TOP6BL: variants seen among roughly 807,000 people sequenced by gnomAD.
The protein encoded by TOP6BL is type 2 DNA topoisomerase 6 subunit B-like.
chr11:66,838,412 G>A, the TOP6BL span: 37 of 1,613,760 alleles, frequency 2.3e-5, 1 homozygote, highest in African/African-American at 8.0e-5. Flanking sequence ...CACTGAGGAC[G>A]CACCTGATAA....
At chr11:66,799,396 AAAAG>A in the TOP6BL span, among the ~76,000 whole-genome samples, 1 of 151,126 alleles carries the variant, frequency 6.6e-6, no homozygotes, top group African/African-American at 2.4e-5. Context: ...AAAAAAAAAA[AAAAG>A]AATGTCTTTT....
At chr11:66,842,912 G>C in the TOP6BL span, 1 of 1,568,242 alleles carries the variant, frequency 6.4e-7, no homozygotes, top group Non-Finnish European at 8.6e-7. Flanking sequence ...GAGGAGATGC[G>C]AGCTCTGCGC....
the TOP6BL span, chr11:66,843,269 G>A: frequency 6.2e-7 from 1 of 1,602,980 alleles, no homozygotes; most frequent in African/African-American, 1.3e-5. Context: ...CACCGATCCG[G>A]AGGCTGCGGG....
At chr11:66,803,491 C>T in the TOP6BL span, among the ~76,000 whole-genome samples, 4 of 152,124 alleles carry the variant, frequency 2.6e-5, no homozygotes, top group African/African-American at 9.7e-5. Flanking sequence ...TGCAGTGGCG[C>T]AATATCAGCT....
At chr11:66,779,034 A>G in the TOP6BL span, among the ~76,000 whole-genome samples, 1 of 152,234 alleles carries the variant, frequency 6.6e-6, no homozygotes. Context: ...AAAGATTTAC[A>G]TGTTAGACCT....
At chr11:66,749,572 T>A in the TOP6BL span, among the ~76,000 whole-genome samples, 1 of 152,036 alleles carries the variant, frequency 6.6e-6, no homozygotes, top group Non-Finnish European at 1.5e-5. Flanking sequence ...GTTATAATTA[T>A]TTATTTATTT....
chr11:66,780,217 T>C, the TOP6BL span, among the ~76,000 whole-genome samples: 2 of 152,328 alleles, frequency 1.3e-5, no homozygotes, highest in South Asian at 4.1e-4. Flanking sequence ...TGCTCAATTT[T>C]GAGTATTTTT....
chr11:66,795,672 G>T, the TOP6BL span, among the ~76,000 whole-genome samples: 1 of 151,006 alleles, frequency 6.6e-6, no homozygotes, highest in Non-Finnish European at 1.5e-5. Context: ...TCCCTATTTT[G>T]CAGATTAGGA....
At chr11:66,804,745 C>A in the TOP6BL span, among the ~76,000 whole-genome samples, 1 of 152,050 alleles carries the variant, frequency 6.6e-6, no homozygotes, top group Non-Finnish European at 1.5e-5. Flanking sequence ...TGAGACCAGC[C>A]TGGCCAATAT....
At chr11:66,745,318 G>T in the TOP6BL span, among the ~76,000 whole-genome samples, 1 of 139,786 alleles carries the variant, frequency 7.2e-6, no homozygotes, top group Non-Finnish European at 1.6e-5. Context: ...GCGGGGTGGG[G>T]GGAGTCGGGG....
chr11:66,747,971 A>G, the TOP6BL span, among the ~76,000 whole-genome samples: 43 of 152,188 alleles, frequency 2.8e-4, no homozygotes, highest in Admixed American at 2.1e-3. Flanking sequence ...TGATTTAATG[A>G]AAGATCAAGA....
At chr11:66,812,378 G>A in the TOP6BL span, among the ~76,000 whole-genome samples, 22 of 152,028 alleles carry the variant, frequency 1.4e-4, no homozygotes, top group South Asian at 3.3e-3. Flanking sequence ...GGGTTTCACC[G>A]TGTTAGCCAG....
At chr11:66,780,930 C>T in the TOP6BL span, among the ~76,000 whole-genome samples, 1 of 152,088 alleles carries the variant, frequency 6.6e-6, no homozygotes, top group African/African-American at 2.4e-5. Context: ...TCATTTTATA[C>T]CTCCTGTGTA....
At chr11:66,823,294 C>CAA in the TOP6BL span, among the ~76,000 whole-genome samples, 70 of 41,126 alleles carry the variant, frequency 1.7e-3, no homozygotes, top group African/African-American at 3.3e-3. Flanking sequence ...GACTCCACCT[C>CAA]AAAAAAAAAA....
the TOP6BL span, among the ~76,000 whole-genome samples, chr11:66,785,046 C>T: frequency 6.6e-6 from 1 of 150,612 alleles, no homozygotes; most frequent in Admixed American, 6.6e-5. Flanking sequence ...ACCTCCACCT[C>T]CCTGGTTCTA....
the TOP6BL span, chr11:66,788,051 TTCA>T: frequency 1.5e-6 from 1 of 678,052 alleles, no homozygotes; most frequent in Non-Finnish European, 2.5e-6. Context: ...AGATAATCTT[TTCA>T]TCAGGGAAAA....
At chr11:66,819,185 T>C in the TOP6BL span, among the ~76,000 whole-genome samples, 5 of 152,338 alleles carry the variant, frequency 3.3e-5, no homozygotes, top group East Asian at 9.6e-4. Flanking sequence ...CATGTGTCTT[T>C]AAGAAAATTA....
the TOP6BL span, chr11:66,762,043 A>G: frequency 7.1e-7 from 1 of 1,404,632 alleles, no homozygotes. Flanking sequence ...TCCCCCCAGC[A>G]ACTTTCCGCA....
chr11:66,826,109 C>T, the TOP6BL span, among the ~76,000 whole-genome samples: 2 of 152,138 alleles, frequency 1.3e-5, no homozygotes, highest in Non-Finnish European at 2.9e-5. Flanking sequence ...TCCCAAAGTA[C>T]TGGGATTACA....
Sources: gnomAD v4.1 joint callset for allele counts (sites outside exome capture counted in the v4.1 genomes callset) on GRCh38, gnomAD v4.1.1 for gene constraint, MANE v1.5 for transcripts, NCBI Gene and HGNC (gene_info 2026-07-23, HGNC 2026-07-21) for gene names.